Variants in DNAH11 observed in about 807,000 individuals in gnomAD.
DNAH11 encodes the protein axonemal beta dynein heavy chain 11.
A neutral mutation model predicts 526.0 loss-of-function variants in DNAH11; 442 were observed. The ratio of observed to expected loss-of-function variants is 0.84; its 90% CI spans 0.78 to 0.91. The LOEUF is 0.91. DNAH11 is among the 40% of genes least tolerant of loss of function. DNAH11 has a pLI of 0.00. For synonymous variants in DNAH11, 2,461 were observed against 1,935.9 expected, an observed-to-expected ratio of 1.27 and a Z score of -7.12; for missense variants, 6,989 against 5,448.7, an observed-to-expected ratio of 1.28 and a Z score of -8.90.
chr7:21,624,675 G>A (rs1417816949), intron 25 of DNAH11, among the ~76,000 whole-genome samples: 1 of 152,072 alleles, frequency 6.6e-6, no homozygotes, highest in East Asian at 1.9e-4. Flanking sequence ...GAGTATATTA[G>A]CTGTGTGCTT....
chr7:21,789,808 T>TTTTC (rs1554281335), intron 61 of DNAH11, among the ~76,000 whole-genome samples: 826 of 34,124 alleles, frequency 0.024, 32 homozygotes, highest in Middle Eastern at 0.05. Context: ...TTTCTTTCTT[T>TTTTC]TTTCTTTCTT....
intron 36 of DNAH11, among the ~76,000 whole-genome samples, chr7:21,700,146 G>A (rs1426437735): frequency 6.6e-6 from 1 of 152,134 alleles, no homozygotes; most frequent in Non-Finnish European, 1.5e-5. Flanking sequence ...AGCTAACAAG[G>A]GATAAGGGCA....
chr7:21,816,873 G>T (rs1789819864), intron 64 of DNAH11, among the ~76,000 whole-genome samples, 171 bp downstream of exon 64: 1 of 152,142 alleles, frequency 6.6e-6, no homozygotes, highest in Admixed American at 6.6e-5. Flanking sequence ...CTGTTGAAAA[G>T]GCATTCTTGT....
At chr7:21,805,111 C>T (rs376982517) in intron 62 of DNAH11, among the ~76,000 whole-genome samples, 4 of 152,122 alleles carry the variant, frequency 2.6e-5, no homozygotes, top group East Asian at 1.9e-4. Context: ...AGTTGGTTTT[C>T]TCTGACCTCC....
Position 21,589,366 on chromosome 7 carries a change from C to A in DNAH11, c.2132C>A (p.Ala711Asp). Residue 711 changes from alanine (A) to aspartate (D), a missense_variant, in exon 12 of 82, where the codon GCC (alanine) becomes GAC (aspartate). Coordinates refer to ENST00000409508, the MANE Select transcript of DNAH11 (RefSeq NM_001277115.2). ...NLNQPLVKFS[A>D]INGLLCVNFD... ...AATCAACCCTTGGTTAAATTCAGTGCCATAAATGGTCTTCTCTGTGTCAAT... is the reference window on the plus strand; with the variant it reads ...AATCAACCCTTGGTTAAATTCAGTGACATAAATGGTCTTCTCTGTGTCAAT... 1.2e-6 allele frequency: 2 copies of A among 1,607,662 alleles called. No individual in the cohort carries two copies. Among genetic ancestry groups the A allele is most frequent in the Non-Finnish European group, 8.5e-7 (1 of 1,177,476 alleles).
chr7:21,613,934 A>ATTTTTT (rs575437991), intron 20 of DNAH11, among the ~76,000 whole-genome samples: 2,033 of 142,776 alleles, frequency 0.014, 31 homozygotes, highest in South Asian at 0.027. Flanking sequence ...TGCCCAGCTA[A>ATTTTTT]TTTTTTTTTT....
At chr7:21,603,364 A>G (rs940392547) in intron 18 of DNAH11, among the ~76,000 whole-genome samples, 2 of 152,212 alleles carry the variant, frequency 1.3e-5, no homozygotes, top group African/African-American at 4.8e-5. Flanking sequence ...TAGTGCTGCT[A>G]TGAACACTGG....
chr7:21,818,196 C>A (rs1583731693), intron 64 of DNAH11, 21 bp from the exon 65 acceptor site: 1 of 1,605,028 alleles, frequency 6.2e-7, no homozygotes, highest in South Asian at 1.1e-5. Context: ...TTTATTATCT[C>A]AAATCCCACT....
At chr7:21,656,306 G>A (rs1782013819) in intron 29 of DNAH11, among the ~76,000 whole-genome samples, 1 of 152,144 alleles carries the variant, frequency 6.6e-6, no homozygotes, top group Non-Finnish European at 1.5e-5. Context: ...GCTACAAAGA[G>A]TATTCTGTTT....
chr7:21,691,746 T>A (rs1409629972), intron 35 of DNAH11, among the ~76,000 whole-genome samples: 2 of 152,222 alleles, frequency 1.3e-5, no homozygotes, highest in Non-Finnish European at 2.9e-5. Flanking sequence ...TTTAGAAATA[T>A]CATTTTATGT....
Position 21,901,018 on chromosome 7 carries a change from G to C in DNAH11, c.13315G>C (p.Asp4439His). 6.3e-7 allele frequency: 1 copy of C among 1,593,688 alleles called. No homozygotes were observed. The highest frequency in any genetic ancestry group is 8.5e-7 in the Non-Finnish European group (1 of 1,169,718). The change falls in exon 82 of 82, where the codon GAC becomes CAC. Residue 4439 changes from aspartate (D) to histidine (H), a missense_variant. By Grantham distance (81) the Asp-to-His change is moderately conservative. Transcript: ENST00000409508. ...HGLFMEGARW[D>H]TQAGTIVEAR... ...TGTTTTTGCCATAGGCGCCCGCTGG[G>C]ACACCCAAGCAGGAACCATTGTTGA...
At chr7:21,821,518 A>G (rs898909177) in intron 65 of DNAH11, among the ~76,000 whole-genome samples, 1 of 152,128 alleles carries the variant, frequency 6.6e-6, no homozygotes, top group Admixed American at 6.6e-5. Context: ...CCTTATCGCT[A>G]TATGAAGTTT....
chr7:21,844,496 C>A (rs939336559), intron 66 of DNAH11, among the ~76,000 whole-genome samples: 1 of 152,144 alleles, frequency 6.6e-6, no homozygotes, highest in African/African-American at 2.4e-5. Context: ...TGCTTTTGCA[C>A]TATAATGGCA....
chr7:21,698,206 C>G lies in DNAH11; in HGVS notation c.6173C>G (p.Ser2058Cys). Residue 2058 changes from serine (S) to cysteine (C), a missense_variant, in exon 36 of 82, where the codon TCC becomes TGC. Physicochemically the swap from Ser to Cys is moderately radical, Grantham distance 112. Transcript: ENST00000409508. The part of the protein sequence containing the change: ...TLYTLCKELL[S>C]KQDHYDWGLR... ...TACACGCTTTGCAAGGAGCTTCTCT[C>G]CAAGCAGGTGAGGGATCATTTGTTA... The G allele has an allele frequency of 1.2e-6, 2 of 1,613,344 alleles. No homozygotes were observed. Among genetic ancestry groups the G allele is most frequent in the Non-Finnish European group, 1.7e-6 (2 of 1,179,596 alleles).
intron 60 of DNAH11, among the ~76,000 whole-genome samples, chr7:21,788,850 T>A (rs1044212057): frequency 6.6e-6 from 1 of 152,262 alleles, no homozygotes; most frequent in Non-Finnish European, 1.5e-5. Flanking sequence ...TTGATTTTAA[T>A]ATCTTAATGG....
rs889128901 is a variant in DNAH11, at chr7:21,564,353, G to T, written c.1150G>T (p.Val384Phe). 3.7e-6 allele frequency: 6 copies of T among 1,613,352 alleles called. No individual in the cohort carries two copies. Among genetic ancestry groups the T allele is most frequent in the Non-Finnish European group, 5.1e-6 (6 of 1,179,688 alleles). The change falls in exon 6 of 82, where the codon GTT (valine) becomes TTT (phenylalanine). Residue 384 changes from valine to phenylalanine, a missense_variant. Val to Phe is a conservative substitution (Grantham distance 50). Transcript: ENST00000409508. ...CAAGTTTTATAACACCCCAGCTCGG[G>T]TTATAGTTTTATTGCAAGAGTTTTG... The part of the protein sequence containing the change: ...HSKFYNTPAR[V>F]IVLLQEFCNL...
rs750836380 is a variant in DNAH11, at chr7:21,868,893, G to A, written c.11869G>A (p.Gly3957Arg). Residue 3957 changes from glycine to arginine, a missense_variant, in exon 73 of 82, where the codon GGA (glycine) becomes AGA (arginine). Gly to Arg is a moderately radical substitution (Grantham distance 125, BLOSUM62 -2). Coordinates refer to ENST00000409508, the MANE Select transcript of DNAH11 (RefSeq NM_001277115.2). ...GKRLGFTIDS[G>R]KFHNVSLGQG... is the part of the protein sequence containing the mutation. ...AAGACTTGGCTTTACAATTGACTCT[G>A]GAAAATTCCACAATGTGTCTTTAGG... The A allele has an allele frequency of 3.1e-6, 5 of 1,613,988 alleles. No homozygotes were observed. In the South Asian group the frequency reaches 4.4e-5, roughly 14 times the overall value.
In DNAH11 at chr7:21,683,893, A is replaced by G. The variant is rs776020085; in HGVS notation, c.5570A>G (p.Tyr1857Cys). 3.7e-6 allele frequency: 6 copies of G among 1,613,852 alleles called. No individual in the cohort carries two copies. The highest frequency in any genetic ancestry group is 5.1e-6 in the Non-Finnish European group (6 of 1,179,782). The change falls in exon 32 of 82, where the codon TAT becomes TGT. Residue 1857 changes from tyrosine (Y) to cysteine (C), a missense_variant. Tyr to Cys is a radical substitution (Grantham distance 194). Transcript: ENST00000409508. Reference protein sequence around the residue: ...NICDAQFQYFYEYLGNSPRLV... With the variant: ...NICDAQFQYFCEYLGNSPRLV... ...TGTGATGCCCAGTTCCAGTACTTCT[A>G]TGAATACTTAGGAAACAGCCCTCGA...
chr7:21,864,405 G>T, intron 69 of DNAH11, 130 bp from the exon 70 acceptor site: 1 of 695,944 alleles, frequency 1.4e-6, no homozygotes, highest in East Asian at 2.9e-5. Context: ...CAGTAGAACA[G>T]ATGTCAAGTG....
Sources: gnomAD v4.1 joint callset for allele counts (sites outside exome capture counted in the v4.1 genomes callset) on GRCh38, gnomAD v4.1.1 for gene constraint, MANE v1.5 for transcripts, NCBI Gene and HGNC (gene_info 2026-07-23, HGNC 2026-07-21) for gene names.